The following BCAS3 variants were observed in gnomAD, a reference collection of about 807,000 sequenced individuals.
The protein encoded by BCAS3 is BCAS3 microtubule associated cell migration factor.
BCAS3 carries 53 observed loss-of-function variants against 116.1 expected under a neutral mutation model. The ratio of observed to expected loss-of-function variants is 0.46; its 90% CI spans 0.37 to 0.57. BCAS3 has a LOEUF of 0.57. BCAS3 is among the 20% of genes least tolerant of loss of function. The pLI is 0.00. For missense variants in BCAS3, 917 were observed against 1,165.4 expected (o/e 0.79, Z 3.10); for synonymous variants, 391 against 408.2 (o/e 0.96, Z 0.51).
At chr17:61,329,363 C>G (rs1164326014) in intron 22 of BCAS3, among the ~76,000 whole-genome samples, 1 of 135,122 alleles carries the variant, frequency 7.4e-6, no homozygotes, top group East Asian at 2.1e-4. Flanking sequence ...TTTTTTGAGA[C>G]GGAGTCTCGC....
chr17:60,933,110 G>T (rs2059744630), intron 13 of BCAS3, among the ~76,000 whole-genome samples: 1 of 151,902 alleles, frequency 6.6e-6, no homozygotes, highest in Non-Finnish European at 1.5e-5. Flanking sequence ...GGAGGCAGAG[G>T]TTGCTGAGAT....
At chr17:60,799,271 C>T (rs1355484230) in intron 6 of BCAS3, among the ~76,000 whole-genome samples, 3 of 152,100 alleles carry the variant, frequency 2.0e-5, no homozygotes, top group East Asian at 3.8e-4. Flanking sequence ...TACAGACTTA[C>T]AGGAAGTTGC....
chr17:61,191,130 T>A (rs578113165), intron 22 of BCAS3, among the ~76,000 whole-genome samples: 2 of 151,716 alleles, frequency 1.3e-5, no homozygotes, highest in East Asian at 3.9e-4. Flanking sequence ...TACAAAAAAA[T>A]AATTTAAAAA....
Position 61,040,888 on chromosome 17 carries a change from T to A in BCAS3, c.2025T>A (p.Ala675=). ...DAVQYYQFLL[A]GLVPPGSPGP... is the part of the protein sequence containing the mutation. ...TACAGTATTATCAGTTCCTGCTTGC[T>A]GGCCGTAAGTAGTTCAGATTTTTTT... The change falls in exon 19 of 24, where the codon GCT becomes GCA. Residue 675 remains alanine (A), a synonymous_variant. Transcript: ENST00000407086. The A allele has an allele frequency of 6.2e-7, 1 of 1,612,884 alleles. No homozygotes were observed.
chr17:61,111,108 A>C (rs2075058983), intron 22 of BCAS3, among the ~76,000 whole-genome samples: 1 of 151,580 alleles, frequency 6.6e-6, no homozygotes, highest in South Asian at 2.1e-4. Context: ...TCAAAGACCA[A>C]AAGTAGATAA....
intron 4 of BCAS3, among the ~76,000 whole-genome samples, chr17:60,699,578 A>C (rs2036109570): frequency 6.6e-6 from 1 of 152,196 alleles, no homozygotes; most frequent in Non-Finnish European, 1.5e-5. Context: ...ACATAAGTTT[A>C]TAATTCTGAA....
At chr17:61,064,318 A>C (rs73324844) in intron 19 of BCAS3, among the ~76,000 whole-genome samples, 16,053 of 152,168 alleles carry the variant, frequency 0.11, 2,585 homozygotes, top group African/African-American at 0.35. Flanking sequence ...TCTTAAAAAA[A>C]AAAAAGTATA....
In BCAS3 at chr17:61,228,344, A is replaced by AT. The variant is rs2082481076; in HGVS notation, c.2426-139976dup. 6.6e-6 allele frequency among the ~76,000 whole-genome samples: 1 copy of AT among 152,178 alleles called. No individual in the cohort carries two copies. The highest frequency in any genetic ancestry group is 2.4e-5 in the African/African-American group (1 of 41,446). On this transcript the variant is annotated intron_variant, in intron 22 of 23. Transcript: ENST00000407086. The surrounding 1 kb of genome is among the most constrained non-coding windows in gnomAD (Gnocchi z 5.0). ...ACCAGGAAACCGTAATTTATAGTGT[A>AT]TTTTTTTAAGGTGGGAAGGACACAT...
At chr17:60,799,175 TAAAG>T (rs780576170) in intron 6 of BCAS3, among the ~76,000 whole-genome samples, 1 of 152,216 alleles carries the variant, frequency 6.6e-6, no homozygotes, top group African/African-American at 2.4e-5. Flanking sequence ...TATTTAATAT[TAAAG>T]AAAACCATTT....
chr17:60,879,710 G>C (rs1599379079), intron 9 of BCAS3, among the ~76,000 whole-genome samples: 1 of 152,170 alleles, frequency 6.6e-6, no homozygotes, highest in African/African-American at 2.4e-5. Flanking sequence ...TTACTTGGAG[G>C]AGAAAACTTA....
intron 4 of BCAS3, among the ~76,000 whole-genome samples, chr17:60,706,849 A>G (rs990970564): frequency 7.1e-6 from 1 of 141,300 alleles, no homozygotes; most frequent in Non-Finnish European, 1.5e-5. Context: ...TCACTCTGTC[A>G]CCCAGGCTGG....
chr17:61,000,960 A>G (rs1261048965), intron 15 of BCAS3, among the ~76,000 whole-genome samples: 4 of 152,140 alleles, frequency 2.6e-5, no homozygotes, highest in Non-Finnish European at 4.4e-5. Context: ...TTTAGGTTCA[A>G]AAATATAGAG....
chr17:60,692,390 C>T (rs577519248), intron 4 of BCAS3, among the ~76,000 whole-genome samples: 2 of 152,140 alleles, frequency 1.3e-5, no homozygotes, highest in South Asian at 2.1e-4. Context: ...GACAGGCACC[C>T]GCCACCATGC....
intron 7 of BCAS3, among the ~76,000 whole-genome samples, chr17:60,813,987 C>T (rs1293417363): frequency 6.6e-6 from 1 of 151,884 alleles, no homozygotes; most frequent in Non-Finnish European, 1.5e-5. Flanking sequence ...TTCTTTTTGC[C>T]TGGGATTGCT....
rs923427117 is a variant in BCAS3, at chr17:61,126,459, T to C, written c.2425+41895T>C. Among the ~76,000 whole-genome samples, 2 of 152,200 alleles carry C rather than the reference T, an allele frequency of 1.3e-5. No homozygotes were observed. Among genetic ancestry groups the C allele is most frequent in the Non-Finnish European group, 2.9e-5 (2 of 68,010 alleles). ...CTTTTAGTGAAAAACCGAAGGACAA[T>C]AGTCATTATATGATTTTGTATTTTA... On this transcript the variant is annotated intron_variant, in intron 22 of 23. Transcript: ENST00000407086. The surrounding 1 kb of genome is among the most constrained non-coding windows in gnomAD (Gnocchi z 4.6).
At chr17:60,958,782 T>A (rs2145296271) in intron 14 of BCAS3, among the ~76,000 whole-genome samples, 1 of 152,306 alleles carries the variant, frequency 6.6e-6, no homozygotes, top group South Asian at 2.1e-4. Flanking sequence ...ACTACCTATA[T>A]CAAGACTTAC....
chr17:60,704,366 G>A (rs529643697), intron 4 of BCAS3, among the ~76,000 whole-genome samples: 9 of 152,314 alleles, frequency 5.9e-5, no homozygotes, highest in African/African-American at 2.2e-4. Flanking sequence ...AATCAGGACT[G>A]TCCTTATCTA....
intron 1 of BCAS3, 39 bp from the exon 2 acceptor site, chr17:60,679,413 GT>G (rs2032623728): frequency 1.3e-6 from 2 of 1,487,628 alleles, no homozygotes; most frequent in Non-Finnish European, 1.9e-6. Flanking sequence ...AACGATCCAT[GT>G]TTTTCTGTTT....
intron 8 of BCAS3, among the ~76,000 whole-genome samples, chr17:60,870,191 A>G (rs77597734): frequency 0.03 from 4,629 of 152,350 alleles, 182 homozygotes; most frequent in East Asian, 0.092. Flanking sequence ...CCTGTAGCCC[A>G]TGCTTAATTC....
Sources: allele counts gnomAD v4.1 joint callset (sites outside exome capture counted in the v4.1 genomes callset), GRCh38; gene constraint gnomAD v4.1.1; non-coding constraint Gnocchi (gnomAD v3.1); transcripts MANE v1.5; gene names NCBI Gene and HGNC (gene_info 2026-07-23, HGNC 2026-07-21).